ERBB4: variants seen among roughly 807,000 people sequenced by gnomAD.
ERBB4 encodes erb-b2 receptor tyrosine kinase 4.
Under a neutral mutation model 158.0 loss-of-function variants are expected in ERBB4, and 42 were observed. The observed-to-expected ratio is 0.27, with a 90% confidence interval of 0.21 to 0.34. The LOEUF (loss-of-function observed/expected upper bound fraction) is 0.34, where lower values mean the gene tolerates loss of function less well. Among genes scored for constraint, ERBB4 ranks in the 10% least tolerant of loss-of-function variants. The probability of loss-of-function intolerance (pLI) is 1.00; values close to 1 mark genes in which losing one functional copy is unlikely to be tolerated. For missense variants in ERBB4, 1,333 were observed against 1,624.1 expected, an observed-to-expected ratio of 0.82 and a Z score of 3.08; for synonymous variants, 583 against 558.7, an observed-to-expected ratio of 1.04 and a Z score of -0.61.
At chr2:211,774,137 A>G (rs62183032) in intron 4 of ERBB4, among the ~76,000 whole-genome samples, 102,090 of 150,428 alleles carry the variant, frequency 0.68, 35,710 homozygotes, top group African/African-American at 0.86. Context: ...CAATGGTGTG[A>G]TCTTGGCTCA....
chr2:211,887,228 A>G (rs995689762), intron 3 of ERBB4, among the ~76,000 whole-genome samples: 5 of 150,798 alleles, frequency 3.3e-5, no homozygotes, highest in Non-Finnish European at 7.4e-5. Flanking sequence ...GAATTAGTGA[A>G]CAGAGTTGAA....
chr2:212,484,151 C>CA (rs1689857642), intron 1 of ERBB4, among the ~76,000 whole-genome samples: 1 of 152,252 alleles, frequency 6.6e-6, no homozygotes, highest in South Asian at 2.1e-4. Flanking sequence ...AATAAAAACT[C>CA]AGTGTTCTAA....
chr2:211,956,381 A>T (rs567858814), intron 2 of ERBB4, among the ~76,000 whole-genome samples: 14 of 152,250 alleles, frequency 9.2e-5, no homozygotes, highest in African/African-American at 3.1e-4. Context: ...CCTGAATCAA[A>T]GCGTCGTAAT....
At chr2:211,922,348 A>G (rs1321152520) in intron 3 of ERBB4, among the ~76,000 whole-genome samples, 1 of 152,192 alleles carries the variant, frequency 6.6e-6, no homozygotes, top group Non-Finnish European at 1.5e-5. Flanking sequence ...GTGACGTGAA[A>G]AATTCCTGTC....
chr2:211,540,351 A>G (rs2066768116), intron 20 of ERBB4, among the ~76,000 whole-genome samples: 1 of 151,858 alleles, frequency 6.6e-6, no homozygotes, highest in African/African-American at 2.4e-5. Flanking sequence ...ATAATCTGGT[A>G]GGGGAGAGCA....
intron 1 of ERBB4, among the ~76,000 whole-genome samples, chr2:212,233,469 G>T (rs1201747434): frequency 6.6e-6 from 1 of 152,006 alleles, no homozygotes; most frequent in Non-Finnish European, 1.5e-5. Context: ...CTCCTTAATG[G>T]ATATGTTTTT....
chr2:211,913,896 A>G (rs2125061859), intron 3 of ERBB4, among the ~76,000 whole-genome samples: 1 of 151,884 alleles, frequency 6.6e-6, no homozygotes, highest in Non-Finnish European at 1.5e-5. Flanking sequence ...AACACCTCAA[A>G]TAAAACAATA....
Position 211,430,983 on chromosome 2 carries a change from C to G in ERBB4, c.2605G>C (p.Glu869Gln), listed in dbSNP as rs775232357. The change falls in exon 21 of 28, where the codon GAA becomes CAA. Residue 869 changes from glutamate (E) to glutamine (Q), a missense_variant. This residue lies in a region of ERBB4 where 314 missense variants were observed against 437.6 expected (regional missense o/e 0.72). Transcript: ENST00000342788. ...ITDFGLARLL[E>Q]GDEKEYNADG... ...GCATTGTACTCTTTTTCATCTCCTTCCAAGAGTCTGGCTAGCCCAAAATCT... is the reference window on the plus strand; with the variant it reads ...GCATTGTACTCTTTTTCATCTCCTTGCAAGAGTCTGGCTAGCCCAAAATCT... 2 of 1,613,894 alleles carry G rather than the reference C, an allele frequency of 1.2e-6. No homozygotes were observed. Among genetic ancestry groups the G allele is most frequent in the Non-Finnish European group, 1.7e-6 (2 of 1,179,798 alleles).
At chr2:212,326,051 T>G (rs533191881) in intron 1 of ERBB4, among the ~76,000 whole-genome samples, 1 of 150,502 alleles carries the variant, frequency 6.6e-6, no homozygotes, top group Non-Finnish European at 1.5e-5. Flanking sequence ...GCCAGCCAAA[T>G]CTTGCTGTAT....
At chr2:212,361,421 GGGAAGGTTTTGCA>G (rs2106362735) in intron 1 of ERBB4, among the ~76,000 whole-genome samples, 2 of 151,452 alleles carry the variant, frequency 1.3e-5, no homozygotes, top group East Asian at 3.9e-4. Flanking sequence ...ATATCAAAGA[GGGAAGGTTTTGCA>G]TATAGGCTGT....
chr2:212,024,689 C>T (rs906006777), intron 2 of ERBB4, among the ~76,000 whole-genome samples: 6 of 151,926 alleles, frequency 3.9e-5, no homozygotes, highest in Non-Finnish European at 7.4e-5. Context: ...CATGTGTTGT[C>T]CTCCAAATCT....
intron 3 of ERBB4, among the ~76,000 whole-genome samples, chr2:211,905,709 T>G (rs2079369000): frequency 2.3e-5 from 3 of 127,788 alleles, no homozygotes; most frequent in South Asian, 2.7e-4. Flanking sequence ...TGTATGTGTG[T>G]GTATATATGT....
chr2:211,824,810 A>C (rs190809839), intron 3 of ERBB4, among the ~76,000 whole-genome samples: 1 of 152,076 alleles, frequency 6.6e-6, no homozygotes, highest in Admixed American at 6.6e-5. Context: ...ATGTTCTCTG[A>C]AAAAAATATG....
intron 5 of ERBB4, among the ~76,000 whole-genome samples, chr2:211,727,581 C>G (rs2074306952): frequency 6.6e-6 from 1 of 151,926 alleles, no homozygotes. Context: ...AGAGATAGGT[C>G]ACTAAGAAAT....
At chr2:211,598,469 G>C (rs1194797996) in intron 19 of ERBB4, among the ~76,000 whole-genome samples, 1 of 152,088 alleles carries the variant, frequency 6.6e-6, no homozygotes, top group Non-Finnish European at 1.5e-5. Context: ...AAAGCAAGTC[G>C]GGCTTAGGAG....
chr2:211,851,511 G>T (rs978404229), intron 3 of ERBB4, among the ~76,000 whole-genome samples: 1 of 151,824 alleles, frequency 6.6e-6, no homozygotes, highest in Admixed American at 6.6e-5. Context: ...AACTAAAAGC[G>T]CTGGCTTCTT....
intron 16 of ERBB4, among the ~76,000 whole-genome samples, chr2:211,640,238 G>T (rs2070526621): frequency 6.6e-6 from 1 of 152,094 alleles, no homozygotes; most frequent in South Asian, 2.1e-4. Context: ...TTATTCAGAT[G>T]ATGTATTTTC....
At chr2:211,861,137 T>TAA (rs1559586187) in intron 3 of ERBB4, among the ~76,000 whole-genome samples, 6 of 30,386 alleles carry the variant, frequency 2.0e-4, no homozygotes, top group Admixed American at 9.9e-4. Flanking sequence ...TATATATATA[T>TAA]ATATATATAT....
chr2:211,938,429 C>A lies in ERBB4; in HGVS notation c.421+9001G>T, dbSNP rs1406181659. Among the ~76,000 whole-genome samples the A allele has an allele frequency of 2.0e-5, 3 of 152,000 alleles. No individual in the cohort carries two copies. The East Asian group carries it at 5.8e-4, about 29-fold the overall frequency. Reference sequence around the variant, plus strand: ...GGATTGGATTTAGTAAAAGTCTGGTCCCTTTAGTGCTGCACTGTCCAATAT... The same window carrying A: ...GGATTGGATTTAGTAAAAGTCTGGTACCTTTAGTGCTGCACTGTCCAATAT... On this transcript the variant is annotated intron_variant, in intron 3 of 27. Transcript: ENST00000342788.
Sources: gnomAD v4.1 joint callset for allele counts (sites outside exome capture counted in the v4.1 genomes callset) on GRCh38, gnomAD v4.1.1 for gene constraint, gnomAD v4.1.1 regional missense constraint, MANE v1.5 for transcripts, NCBI Gene and HGNC (gene_info 2026-07-23, HGNC 2026-07-21) for gene names.